The following RPF2 variants were observed in gnomAD, a reference collection of about 807,000 sequenced individuals.
RPF2 encodes ribosome production factor 2 homolog, also known as brix domain containing 1.
In RPF2, 21 loss-of-function variants were observed where a neutral mutation model predicts 38.9. The observed-to-expected ratio is 0.54, with a 90% CI of 0.38 to 0.78. The LOEUF (loss-of-function observed/expected upper bound fraction) is 0.78. Among genes scored for constraint, RPF2 ranks in the 30% least tolerant of loss-of-function variants. The pLI is 0.00. For synonymous variants in RPF2, 121 were observed against 126.2 expected (o/e 0.96, Z 0.28); for missense variants, 314 against 358.1 (o/e 0.88, Z 0.99).
At chr6:111,018,199 CGGGGAG>C (rs200309635) in intron 8 of RPF2, among the ~76,000 whole-genome samples, 1,901 of 41,162 alleles carry the variant, frequency 0.046, 54 homozygotes, top group African/African-American at 0.11. Flanking sequence ...AGGGGGAGAC[CGGGGAG>C]GGGGAGGGGG....
At chr6:111,001,639 C>G (rs1771813102) in intron 6 of RPF2, among the ~76,000 whole-genome samples, 1 of 152,108 alleles carries the variant, frequency 6.6e-6, no homozygotes, top group South Asian at 2.1e-4. Context: ...TCCCAAAGTG[C>G]TGGGGTACCC....
chr6:111,013,821 GA>G (rs2114339822), intron 7 of RPF2, among the ~76,000 whole-genome samples: 1 of 152,164 alleles, frequency 6.6e-6, no homozygotes, highest in African/African-American at 2.4e-5. Flanking sequence ...AAAATATCTT[GA>G]AAAGTACAAA....
intron 1 of RPF2, chr6:110,982,335 G>A: frequency 1.6e-6 from 1 of 616,464 alleles, no homozygotes. Context: ...CCGTGGGATG[G>A]GAGGGATGTG....
rs766361803 is a variant in RPF2, at chr6:110,985,135, TG to T, written c.154del (p.Val52CysfsTer4). 3 of 1,613,050 alleles carry T rather than the reference TG, an allele frequency of 1.9e-6. No individual in the cohort carries two copies. In the Admixed American group the frequency reaches 5.0e-5, roughly 27 times the overall value. On this transcript the variant is annotated frameshift_variant and splice_region_variant, in exon 2 of 10. Transcript: ENST00000441448. LOFTEE classifies it high-confidence loss of function. ...NATVTKVLKDVYALKKPYGVL... is the reference protein window; with the variant it reads ...NATVTKVLKDXYALKKPYGVL... Reference sequence around the variant, plus strand: ...CAACAGTGACAAAAGTACTTAAAGATGTGGTAAGTATATATACTTAATCTTT... The same window carrying T: ...CAACAGTGACAAAAGTACTTAAAGATTGGTAAGTATATATACTTAATCTTT...
intron 4 of RPF2, 128 bp from the exon 5 acceptor site, chr6:110,997,055 G>A (rs1771726214): frequency 3.1e-6 from 2 of 644,210 alleles, no homozygotes; most frequent in African/African-American, 3.7e-5. Context: ...ACTCGCCTCG[G>A]CGTCCCAAGT....
chr6:111,002,140 C>A (rs865866941), intron 6 of RPF2, among the ~76,000 whole-genome samples: 1 of 152,104 alleles, frequency 6.6e-6, no homozygotes, highest in South Asian at 2.1e-4. Flanking sequence ...ATTAGCCAGG[C>A]ATGGTGGTGC....
At chr6:110,996,123 AGTTT>A (rs797009762) in intron 4 of RPF2, among the ~76,000 whole-genome samples, 23 of 141,692 alleles carry the variant, frequency 1.6e-4, no homozygotes, top group African/African-American at 4.8e-4. Flanking sequence ...CAGCCAGATA[AGTTT>A]TTTTTTTTTT....
chr6:110,998,944 C>CAAAA (rs34900246), intron 5 of RPF2, among the ~76,000 whole-genome samples: 1 of 86,172 alleles, frequency 1.2e-5, no homozygotes, highest in African/African-American at 3.9e-5. Context: ...GTCTTCATCT[C>CAAAA]AAAAAAAAAA....
rs1259007653 is a variant in RPF2, at chr6:110,990,650, C to T, written c.195-1097C>T. ...CCCAGCCTGGAGTGCAGTGGTGCGA[C>T]CTCAGCTCACCACAACCTCTGGCTC... On this transcript the variant is annotated intron_variant, in intron 3 of 9. Coordinates refer to ENST00000441448, the MANE Select transcript of RPF2 (RefSeq NM_032194.3). 2.7e-5 allele frequency among the ~76,000 whole-genome samples: 4 copies of T among 147,538 alleles called. No homozygotes were observed. The Admixed American group carries it at 2.8e-4, about 10-fold the overall frequency.
chr6:111,010,045 A>G (rs563633035), intron 7 of RPF2, among the ~76,000 whole-genome samples: 1 of 152,246 alleles, frequency 6.6e-6, no homozygotes, highest in East Asian at 1.9e-4. Flanking sequence ...ATAACTCTGG[A>G]AAGTAATTTA....
chr6:111,025,739 G>T lies in RPF2; in HGVS notation c.*157G>T. 1 of 532,788 alleles carries T rather than the reference G, an allele frequency of 1.9e-6. No homozygotes were observed. Among genetic ancestry groups the T allele is most frequent in the Non-Finnish European group, 3.1e-6 (1 of 318,794 alleles). The allele number at this position is 532,788 out of a possible 1,614,324, so 33.0% of individuals were successfully genotyped here. On this transcript the variant is annotated 3_prime_UTR_variant, in exon 10 of 10. Transcript: ENST00000441448. ...ATGAACAGTAATATACTAGTATTAA[G>T]TGTAAAGTAAGCCTTTTATTTGAGA...
intron 8 of RPF2, among the ~76,000 whole-genome samples, chr6:111,018,780 G>C (rs1238941572): frequency 1.3e-5 from 2 of 152,148 alleles, no homozygotes; most frequent in African/African-American, 4.8e-5. Context: ...GTAATTTTTA[G>C]CTGGTTAAGA....
intron 7 of RPF2, among the ~76,000 whole-genome samples, chr6:111,008,898 CTTTTTTT>C (rs57167034): frequency 8.3e-6 from 1 of 120,416 alleles, no homozygotes; most frequent in Non-Finnish European, 1.7e-5. Context: ...TTCCTGGCTC[CTTTTTTT>C]TTTTTTTTTT....
intron 7 of RPF2, among the ~76,000 whole-genome samples, chr6:111,013,508 A>G (rs999772069): frequency 2.0e-5 from 3 of 152,248 alleles, no homozygotes; most frequent in Non-Finnish European, 2.9e-5. Flanking sequence ...GCTGGTTAGA[A>G]CTATTGGATA....
intron 4 of RPF2, 31 bp from the exon 5 acceptor site, chr6:110,997,152 T>C: frequency 7.5e-7 from 1 of 1,325,398 alleles, no homozygotes; most frequent in Non-Finnish European, 1.1e-6. Flanking sequence ...AATTTATGCA[T>C]GGACTAAATG....
At chr6:111,024,569 T>C (rs1269084770) in intron 9 of RPF2, among the ~76,000 whole-genome samples, 1 of 151,604 alleles carries the variant, frequency 6.6e-6, no homozygotes, top group Non-Finnish European at 1.5e-5. Flanking sequence ...AAAAATTAGC[T>C]GGGCGTGGTA....
intron 6 of RPF2, among the ~76,000 whole-genome samples, chr6:111,007,646 A>T (rs951350258): frequency 6.6e-6 from 1 of 152,184 alleles, no homozygotes; most frequent in Non-Finnish European, 1.5e-5. Context: ...AGTATTGACT[A>T]CTTTAAAATC....
intron 1 of RPF2, among the ~76,000 whole-genome samples, chr6:110,983,978 G>A (rs1771478625): frequency 1.3e-5 from 2 of 151,964 alleles, no homozygotes; most frequent in Non-Finnish European, 2.9e-5. Flanking sequence ...GCAGTGAGCC[G>A]AGATCGCACC....
At chr6:110,998,630 C>T (rs1246217898) in intron 5 of RPF2, among the ~76,000 whole-genome samples, 1 of 152,178 alleles carries the variant, frequency 6.6e-6, no homozygotes, top group Admixed American at 6.5e-5. Flanking sequence ...ATCTGAGTCA[C>T]AGAGCTTGTT....
Sources: gnomAD v4.1 joint callset for allele counts (sites outside exome capture counted in the v4.1 genomes callset) on GRCh38, gnomAD v4.1.1 for gene constraint, MANE v1.5 for transcripts, NCBI Gene and HGNC (gene_info 2026-07-23, HGNC 2026-07-21) for gene names.